ZBTB37: variants seen among roughly 807,000 people sequenced by gnomAD.
ZBTB37 encodes zinc finger and BTB domain containing 37.
In ZBTB37, 15 loss-of-function variants were observed where a neutral mutation model predicts 37.7. That is an observed-to-expected ratio of 0.40 (90% CI 0.27 to 0.61). The LOEUF is 0.61. Ranked by LOEUF, ZBTB37 falls within the 20% of genes least tolerant of loss-of-function variation. ZBTB37 has a pLI of 0.44. For synonymous variants in ZBTB37, 231 were observed against 220.6 expected, an observed-to-expected ratio of 1.05 and a Z score of -0.42; for missense variants, 514 against 641.9, an observed-to-expected ratio of 0.80 and a Z score of 2.15.
At chr1:173,891,023 A>G (rs1015166381), downstream of ZBTB37, 1 of 152,228 alleles carries the variant, frequency 6.6e-6, no homozygotes, top group African/African-American at 2.4e-5. Flanking sequence ...AGAGTTTGCC[A>G]ACTTTTTCTA....
At chr1:173,894,078 A>G (rs1259659087) in exon 4 of ZBTB37, 2 of 152,240 alleles carry the variant, frequency 1.3e-5, no homozygotes, top group Non-Finnish European at 1.5e-5. Flanking sequence ...AAGGTTCTTC[A>G]AAAGCTGATG....
At chr1:173,879,089 C>G (rs1014741122) in intron 4 of ZBTB37, among the ~76,000 whole-genome samples, 1 of 144,150 alleles carries the variant, frequency 6.9e-6, no homozygotes, top group Non-Finnish European at 1.5e-5. Flanking sequence ...AAAACTCCAT[C>G]TCAAAAAAAA....
At chr1:173,875,324 A>G (rs1326193903) in intron 4 of ZBTB37, among the ~76,000 whole-genome samples, 1 of 91,774 alleles carries the variant, frequency 1.1e-5, no homozygotes, top group Non-Finnish European at 2.0e-5. Flanking sequence ...GTGCATATAT[A>G]TATATATTTT....
chr1:173,901,880 C>A (rs976966987), exon 4 of ZBTB37: 1 of 152,170 alleles, frequency 6.6e-6, no homozygotes, highest in Admixed American at 6.5e-5. Flanking sequence ...TGGACATAGT[C>A]TGAAAGAAAT....
exon 5 of ZBTB37, chr1:173,885,982 C>A (rs1572070816): frequency 6.4e-7 from 1 of 1,551,716 alleles, no homozygotes; most frequent in Non-Finnish European, 8.7e-7. Context: ...GGCTGTATAC[C>A]CCTGGAGGGG....
exon 4 of ZBTB37, chr1:173,896,306 C>A (rs1403386662): frequency 6.6e-6 from 1 of 152,110 alleles, no homozygotes; most frequent in Admixed American, 6.6e-5. Context: ...TTAAAACTTT[C>A]TTTTGGATTC....
In ZBTB37 at chr1:173,873,687, C is replaced by G. The variant is rs1004337400; in HGVS notation, c.1023+121C>G. On this transcript the variant is annotated intron_variant, in intron 4 of 4. Coordinates refer to ENST00000427304, the Ensembl canonical transcript of ZBTB37. Reference sequence around the variant, plus strand: ...TAACAATGGCCCTGTTAAAGAAATACTGTATTTTTTTTCCCTGAGGGTAGC... The same window carrying G: ...TAACAATGGCCCTGTTAAAGAAATAGTGTATTTTTTTTCCCTGAGGGTAGC... 17 of 1,433,290 alleles carry G rather than the reference C, an allele frequency of 1.2e-5. No individual in the cohort carries two copies. In the South Asian group the frequency reaches 2.4e-4, roughly 20 times the overall value. 88.8% of individuals were successfully genotyped at this position (1,433,290 alleles called of 1,614,324 possible).
chr1:173,903,540 A>C, exon 4 of ZBTB37: 1 of 291,218 alleles, frequency 3.4e-6, no homozygotes, highest in Non-Finnish European at 6.6e-6. Context: ...TAAATGGTTT[A>C]ATACTCAGAT....
rs1016300668 is a variant in ZBTB37, at chr1:173,875,873, G to A, written c.1023+2307G>A. ...GGCGTTGCACCAGTTTGCCCAGGCTGGTCTCAAACTCTTGGACTCAAGCAA... is the reference window on the plus strand; with the variant it reads ...GGCGTTGCACCAGTTTGCCCAGGCTAGTCTCAAACTCTTGGACTCAAGCAA... On this transcript the variant is annotated intron_variant, in intron 4 of 4. Transcript: ENST00000427304. Among the ~76,000 whole-genome samples the A allele has an allele frequency of 2.0e-5, 3 of 151,916 alleles. No homozygotes were observed. In the East Asian group the frequency reaches 5.8e-4, roughly 29 times the overall value.
At chr1:173,889,275 A>G (rs532266711), downstream of ZBTB37, 11 of 152,362 alleles carry the variant, frequency 7.2e-5, no homozygotes, top group East Asian at 1.9e-4. Flanking sequence ...CTGATGTTCT[A>G]TCTACATTAA....
chr1:173,879,479 G>A (rs1036269638), intron 4 of ZBTB37, among the ~76,000 whole-genome samples: 1 of 152,118 alleles, frequency 6.6e-6, no homozygotes, highest in African/African-American at 2.4e-5. Context: ...ATAGGTAATA[G>A]GGAAAGGAGA....
chr1:173,881,119 G>A (rs1448731747), intron 4 of ZBTB37, among the ~76,000 whole-genome samples: 1 of 129,060 alleles, frequency 7.7e-6, no homozygotes, highest in South Asian at 2.8e-4. Context: ...CCCACCCCAC[G>A]ACAGGCCCCA....
chr1:173,881,831 G>T (rs568313010), intron 4 of ZBTB37, among the ~76,000 whole-genome samples: 4 of 152,210 alleles, frequency 2.6e-5, no homozygotes, highest in Middle Eastern at 3.4e-3. Context: ...GAGGCGGGCG[G>T]ATCACAAGGT....
intron 4 of ZBTB37, among the ~76,000 whole-genome samples, chr1:173,882,250 T>C (rs1040892057): frequency 1.4e-5 from 2 of 138,290 alleles, no homozygotes; most frequent in Non-Finnish European, 3.2e-5. Flanking sequence ...TTTTTTTTTT[T>C]TTTTTTTTTG....
chr1:173,898,636 A>C (rs1428263721), exon 4 of ZBTB37: 2 of 151,990 alleles, frequency 1.3e-5, no homozygotes, highest in African/African-American at 4.8e-5. Context: ...CAATATTGTC[A>C]TAATAGTCAT....
At chr1:173,881,217 T>C (rs1656283835) in intron 4 of ZBTB37, among the ~76,000 whole-genome samples, 1 of 152,044 alleles carries the variant, frequency 6.6e-6, no homozygotes, top group African/African-American at 2.4e-5. Flanking sequence ...TGGTTTTCCG[T>C]CCTTGTGATA....
exon 4 of ZBTB37, chr1:173,873,489 G>A: frequency 1.9e-6 from 3 of 1,612,950 alleles, no homozygotes; most frequent in Non-Finnish European, 1.7e-6. Context: ...CGGCAGTGTT[G>A]TTCCCTTGAC....
chr1:173,883,792 G>A (rs774074698), intron 4 of ZBTB37, among the ~76,000 whole-genome samples: 11 of 152,094 alleles, frequency 7.2e-5, no homozygotes, highest in Non-Finnish European at 1.2e-4. Context: ...TGCCTCTATT[G>A]GAAAGGCTGA....
chr1:173,870,650 G>C, exon 3 of ZBTB37: 1 of 1,614,122 alleles, frequency 6.2e-7, no homozygotes. Flanking sequence ...AGTCAAACAA[G>C]GACAAAGCAT....
Sources: gnomAD v4.1 joint callset for allele counts (sites outside exome capture counted in the v4.1 genomes callset) on GRCh38, gnomAD v4.1.1 for gene constraint, MANE v1.5 for transcripts, NCBI Gene and HGNC (gene_info 2026-07-23, HGNC 2026-07-21) for gene names.